MSRB3: variants seen among roughly 807,000 people sequenced by gnomAD.
MSRB3 encodes the protein methionine sulfoxide reductase B3.
MSRB3 carries 13 observed loss-of-function variants against 21.0 expected under a neutral mutation model. The ratio of observed to expected loss-of-function variants is 0.62; its 90% CI spans 0.40 to 0.98. MSRB3 has a LOEUF of 0.98. Among genes scored for constraint, MSRB3 ranks in the 50% least tolerant of loss-of-function variants. The probability of loss-of-function intolerance (pLI) is 0.00; values close to 1 mark genes in which losing one functional copy is unlikely to be tolerated. For missense variants in MSRB3, 199 were observed against 230.3 expected (o/e 0.86, Z 0.88); for synonymous variants, 87 against 88.6 (o/e 0.98, Z 0.10).
chr12:65,375,925 T>C (rs1337215771), intron 5 of MSRB3, among the ~76,000 whole-genome samples: 1 of 92,720 alleles, frequency 1.1e-5, no homozygotes, highest in Admixed American at 1.3e-4. Context: ...TCAGTACTTA[T>C]TAAAGTTTTT....
chr12:65,452,849 A>T (rs1047378574), intron 5 of MSRB3, among the ~76,000 whole-genome samples: 2 of 152,218 alleles, frequency 1.3e-5, no homozygotes, highest in African/African-American at 4.8e-5. Context: ...TTGCACCAGC[A>T]CTTCAGCAAC....
intron 5 of MSRB3, among the ~76,000 whole-genome samples, chr12:65,399,953 G>A (rs150318632): frequency 5.3e-4 from 81 of 152,204 alleles, no homozygotes; most frequent in African/African-American, 1.8e-3. Flanking sequence ...GGATGAAGCC[G>A]ACTTGATCAT....
At chr12:65,316,750 T>G (rs977397315) in intron 2 of MSRB3, among the ~76,000 whole-genome samples, 8 of 152,180 alleles carry the variant, frequency 5.3e-5, no homozygotes, top group African/African-American at 1.7e-4. Context: ...GGTTTGACGA[T>G]TCTATATGAA....
chr12:65,303,542 G>C (rs1193785952), intron 1 of MSRB3, among the ~76,000 whole-genome samples: 1 of 152,070 alleles, frequency 6.6e-6, no homozygotes, highest in Non-Finnish European at 1.5e-5. Flanking sequence ...CAGTTGAGAT[G>C]GCAGAGATAG....
At chr12:65,316,002 A>G (rs1208639208) in intron 2 of MSRB3, 2 of 152,164 alleles carry the variant, frequency 1.3e-5, no homozygotes, top group African/African-American at 4.8e-5. Flanking sequence ...CCACTTGATT[A>G]ATGTTTTAAT....
intron 4 of MSRB3, among the ~76,000 whole-genome samples, chr12:65,366,754 A>G (rs1333443554): frequency 2.0e-5 from 3 of 152,196 alleles, no homozygotes; most frequent in Admixed American, 2.0e-4. Flanking sequence ...GGGTCAAGAT[A>G]TGGTCAAAGA....
intron 5 of MSRB3, among the ~76,000 whole-genome samples, chr12:65,399,505 G>A (rs1880001292): frequency 6.6e-6 from 1 of 152,202 alleles, no homozygotes; most frequent in African/African-American, 2.4e-5. Flanking sequence ...ATTTTGGGCT[G>A]AGATGATGAG....
At chr12:65,318,029 T>C (rs1037426749) in intron 2 of MSRB3, among the ~76,000 whole-genome samples, 1 of 152,256 alleles carries the variant, frequency 6.6e-6, no homozygotes, top group South Asian at 2.1e-4. Context: ...CATTGAATAA[T>C]GTCTTCCCGT....
At chr12:65,381,052 T>C (rs1207311549) in intron 5 of MSRB3, among the ~76,000 whole-genome samples, 1 of 152,172 alleles carries the variant, frequency 6.6e-6, no homozygotes, top group African/African-American at 2.4e-5. Context: ...GAAGGTACTG[T>C]AAGAATTTTA....
chr12:65,452,166 C>A (rs942877041), intron 5 of MSRB3, among the ~76,000 whole-genome samples: 3 of 152,104 alleles, frequency 2.0e-5, no homozygotes, highest in African/African-American at 7.2e-5. Flanking sequence ...AATGAAACTC[C>A]TAAACCTGTT....
At chr12:65,373,763 GAT>G (rs1878449425) in intron 5 of MSRB3, among the ~76,000 whole-genome samples, 1 of 152,166 alleles carries the variant, frequency 6.6e-6, no homozygotes, top group African/African-American at 2.4e-5. Context: ...AAGGTTAGGA[GAT>G]CCTAAAAGAC....
chr12:65,424,477 G>A (rs1881475798), intron 5 of MSRB3, among the ~76,000 whole-genome samples: 1 of 151,996 alleles, frequency 6.6e-6, no homozygotes, highest in South Asian at 2.1e-4. Flanking sequence ...AAGTGATTTT[G>A]CTGCATCCGA....
At chr12:65,372,545 G>A (rs1253882893) in intron 5 of MSRB3, among the ~76,000 whole-genome samples, 1 of 152,188 alleles carries the variant, frequency 6.6e-6, no homozygotes, top group Non-Finnish European at 1.5e-5. Context: ...GCCTAGGATT[G>A]TGTGGAGTTG....
rs188077440 is a variant in MSRB3, at chr12:65,351,918, A to T, written c.264-17080A>T. Among the ~76,000 whole-genome samples, 814 of 152,290 alleles carry T rather than the reference A, an allele frequency of 5.3e-3. 5 individuals carry two copies. The highest frequency in any genetic ancestry group is 0.019 in the African/African-American group (775 of 41,544). ...AACTGGTACCATTCCTTCTGAAACTATTCCAATCTATAGAAAAAGAGGGAA... is the reference window on the plus strand; with the variant it reads ...AACTGGTACCATTCCTTCTGAAACTTTTCCAATCTATAGAAAAAGAGGGAA... On this transcript the variant is annotated intron_variant, in intron 4 of 6. Coordinates refer to ENST00000308259, the MANE Select transcript of MSRB3 (RefSeq NM_001031679.3).
chr12:65,417,016 C>T (rs1004446184), intron 5 of MSRB3, among the ~76,000 whole-genome samples: 10 of 152,162 alleles, frequency 6.6e-5, no homozygotes, highest in Non-Finnish European at 4.4e-5. Context: ...CAATGTACCT[C>T]TTTCTTTAAT....
intron 6 of MSRB3, among the ~76,000 whole-genome samples, chr12:65,459,853 G>T (rs1204518835): frequency 6.6e-6 from 1 of 152,174 alleles, no homozygotes; most frequent in Non-Finnish European, 1.5e-5. Context: ...AAGGAATTAT[G>T]TTAAACTTGA....
chr12:65,329,492 A>G (rs910232877), intron 4 of MSRB3, among the ~76,000 whole-genome samples: 2 of 152,110 alleles, frequency 1.3e-5, no homozygotes, highest in Non-Finnish European at 1.5e-5. Flanking sequence ...TCTACTAAAA[A>G]TACAAAAATT....
At chr12:65,321,325 A>C (rs1346942535) in intron 2 of MSRB3, among the ~76,000 whole-genome samples, 3 of 152,168 alleles carry the variant, frequency 2.0e-5, no homozygotes, top group Non-Finnish European at 4.4e-5. Flanking sequence ...ATAATTATTG[A>C]ACTAATGTAT....
chr12:65,364,730 T>C (rs559900553), intron 4 of MSRB3, among the ~76,000 whole-genome samples: 1 of 152,224 alleles, frequency 6.6e-6, no homozygotes, highest in African/African-American at 2.4e-5. Context: ...TCATAGTTCA[T>C]AGTATGTTAG....
Sources: gnomAD v4.1 joint callset for allele counts (sites outside exome capture counted in the v4.1 genomes callset) on GRCh38, gnomAD v4.1.1 for gene constraint, MANE v1.5 for transcripts, NCBI Gene and HGNC (gene_info 2026-07-23, HGNC 2026-07-21) for gene names.